FAT1: variants seen among roughly 807,000 people sequenced by gnomAD.
The protein encoded by FAT1 is FAT atypical cadherin 1, also known as protocadherin Fat 1.
A neutral mutation model predicts 329.8 loss-of-function variants in FAT1; 171 were observed. That is an observed-to-expected ratio of 0.52 (90% CI 0.46 to 0.59). The LOEUF (loss-of-function observed/expected upper bound fraction) is 0.59, where lower values mean the gene tolerates loss of function less well. Ranked by LOEUF, FAT1 falls within the 20% of genes least tolerant of loss-of-function variation. FAT1 has a pLI of 0.00. For synonymous variants in FAT1, 2,233 were observed against 2,228.6 expected (o/e 1.00, Z -0.06); for missense variants, 5,672 against 5,774.4 (o/e 0.98, Z 0.57).
Position 186,595,816 on chromosome 4 carries a change from C to T in FAT1, c.13011G>A (p.Val4337=). ...TCTTGGAAAGACAGGGATCAAGATCCACCACTTTTGCTAAAAGGAAGGATG... is the reference window on the plus strand; with the variant it reads ...TCTTGGAAAGACAGGGATCAAGATCTACCACTTTTGCTAAAAGGAAGGATG... The part of the protein sequence containing the change: ...SWDFDYDTKV[V]DLDPCLSKKP... Residue 4337 remains valine, a synonymous_variant, in exon 26 of 27, where the codon GTG becomes GTA. Transcript: ENST00000441802. 6.2e-7 allele frequency: 1 copy of T among 1,613,896 alleles called. No homozygotes were observed. Among genetic ancestry groups the T allele is most frequent in the Non-Finnish European group, 8.5e-7 (1 of 1,179,870 alleles).
upstream of FAT1, among the ~76,000 whole-genome samples, chr4:186,726,146 A>G (rs1484928153): frequency 6.6e-6 from 1 of 152,220 alleles, no homozygotes; most frequent in Non-Finnish European, 1.5e-5. Flanking sequence ...AGTGCTCTAT[A>G]TGTATTTTAT....
intron 2 of FAT1, among the ~76,000 whole-genome samples, chr4:186,681,714 A>G (rs961654754): frequency 2.0e-5 from 3 of 152,234 alleles, no homozygotes; most frequent in Non-Finnish European, 4.4e-5. Flanking sequence ...GTATGCATCA[A>G]TACCGCTGAA....
At position 186,600,301 on chromosome 4, in the gene FAT1, A is replaced by G. The variant is rs2126414764; in HGVS notation, c.11700T>C (p.Ser3900=). The G allele has an allele frequency of 1.2e-6, 2 of 1,613,814 alleles. No homozygotes were observed. Among genetic ancestry groups the G allele is most frequent in the Admixed American group, 1.7e-5 (1 of 60,008 alleles). ...FDCGSGPGIV[S]VQSIQVNDGQ... ...CATCATTGACCTGAATGCTCTGAAC[A>G]GAGACAATTCCAGGGCCACTTCCAC... Residue 3900 remains serine (S), a synonymous_variant, in exon 22 of 27, where the codon TCT becomes TCC. Coordinates refer to ENST00000441802, the MANE Select transcript of FAT1 (RefSeq NM_005245.4).
In FAT1 at chr4:186,600,289, A is replaced by C. The variant is rs754598211; in HGVS notation, c.11712T>G (p.Ile3904Met). 1 of 1,613,718 alleles carries C rather than the reference A, an allele frequency of 6.2e-7. No homozygotes were observed. The highest frequency in any genetic ancestry group is 8.5e-7 in the Non-Finnish European group (1 of 1,179,838). ...CGTGCCACTGCCCATCATTGACCTGAATGCTCTGAACAGAGACAATTCCAG... is the reference window on the plus strand; with the variant it reads ...CGTGCCACTGCCCATCATTGACCTGCATGCTCTGAACAGAGACAATTCCAG... ...SGPGIVSVQS[I>M]QVNDGQWHAV... The change falls in exon 22 of 27, where the codon ATT (isoleucine) becomes ATG (methionine). Residue 3904 changes from isoleucine (I) to methionine (M), a missense_variant. Ile to Met is a conservative substitution (Grantham distance 10). This residue lies in a region of FAT1 where 1,706 missense variants were observed against 1,859.1 expected (regional missense o/e 0.92). Transcript: ENST00000441802.
chr4:186,654,328 C>T (rs920687922), intron 3 of FAT1, among the ~76,000 whole-genome samples: 5 of 152,170 alleles, frequency 3.3e-5, no homozygotes, highest in Admixed American at 6.5e-5. Context: ...TGACTCCTAA[C>T]GAAAGTTCTG....
At chr4:186,606,294 C>G (rs2126449322) in intron 16 of FAT1, 81 bp from the exon 17 acceptor site, 1 of 1,517,652 alleles carries the variant, frequency 6.6e-7, no homozygotes. Flanking sequence ...CCTGAGAGTC[C>G]TGACGGGCAG....
At chr4:186,681,066 G>A (rs879846564) in intron 2 of FAT1, among the ~76,000 whole-genome samples, 12 of 152,142 alleles carry the variant, frequency 7.9e-5, no homozygotes, top group Admixed American at 3.3e-4. Flanking sequence ...GAGTATCACC[G>A]AATTATTTCG....
intron 19 of FAT1, 58 bp downstream of exon 19, chr4:186,603,109 ATCAAAGGCT>A (rs1738899495): frequency 6.2e-7 from 1 of 1,609,788 alleles, no homozygotes; most frequent in Non-Finnish European, 8.5e-7. Flanking sequence ...ATGTATAGCC[ATCAAAGGCT>A]TCAAAGGCCG....
chr4:186,690,078 CAT>C (rs948883904), intron 2 of FAT1, among the ~76,000 whole-genome samples: 3 of 152,134 alleles, frequency 2.0e-5, no homozygotes, highest in African/African-American at 7.2e-5. Flanking sequence ...AAACAAAAAA[CAT>C]GTTACTGCAT....
intron 2 of FAT1, among the ~76,000 whole-genome samples, chr4:186,670,428 C>T (rs1046299491): frequency 7.2e-5 from 11 of 152,226 alleles, no homozygotes; most frequent in Non-Finnish European, 1.5e-4. Context: ...ATACCCTCAG[C>T]GTAAACAGGG....
chr4:186,618,758 C>T lies in FAT1; in HGVS notation c.7828G>A (p.Ala2610Thr), dbSNP rs1739860165. The change falls in exon 10 of 27, where the codon GCT becomes ACT. Residue 2610 changes from alanine to threonine, a missense_variant. Around this residue, in one of 2 missense-constraint regions of FAT1, gnomAD observed 3,966 missense variants for 3,915.2 expected, o/e 1.01. Coordinates refer to ENST00000441802, the MANE Select transcript of FAT1 (RefSeq NM_005245.4). ...ACTTTAACGACTGAAGTCCCTTTAG[C>T]AGCACTGGACCCGATATTCACTTCG... is the stretch of plus-strand genomic sequence containing the variant. The part of the protein sequence containing the change: ...KYEVNIGSSA[A>T]KGTSVVKVLA... 1 of 1,614,032 alleles carries T rather than the reference C, an allele frequency of 6.2e-7. No homozygotes were observed. Among genetic ancestry groups the T allele is most frequent in the Non-Finnish European group, 8.5e-7 (1 of 1,179,898 alleles).
At chr4:186,715,253 CCCA>C (rs1745158366) in intron 1 of FAT1, among the ~76,000 whole-genome samples, 1 of 151,914 alleles carries the variant, frequency 6.6e-6, no homozygotes, top group Non-Finnish European at 1.5e-5. Context: ...CACCACAGCC[CCCA>C]CCACCACCCA....
intron 2 of FAT1, 134 bp downstream of exon 2, chr4:186,706,429 A>T: frequency 1.1e-6 from 1 of 951,448 alleles, no homozygotes; most frequent in East Asian, 2.4e-5. Flanking sequence ...GGCCAAAAAA[A>T]ATATTCACAC....
chr4:186,693,947 C>T (rs1053519975), intron 2 of FAT1, among the ~76,000 whole-genome samples: 6 of 151,728 alleles, frequency 4.0e-5, no homozygotes, highest in African/African-American at 1.2e-4. Context: ...CTAACCCAAC[C>T]ACCATCTCCC....
chr4:186,673,493 G>A (rs1462085022), intron 2 of FAT1, among the ~76,000 whole-genome samples: 1 of 152,144 alleles, frequency 6.6e-6, no homozygotes, highest in African/African-American at 2.4e-5. Context: ...AAAGCTTTAG[G>A]TCTAGGAAAT....
intron 1 of FAT1, among the ~76,000 whole-genome samples, chr4:186,718,145 T>C (rs1387933635): frequency 3.3e-5 from 5 of 152,166 alleles, no homozygotes; most frequent in Admixed American, 2.6e-4. Flanking sequence ...GAATGTTCCA[T>C]GTACAGCAAG....
chr4:186,604,290 TA>T, intron 18 of FAT1, 86 bp downstream of exon 18: 1 of 1,119,334 alleles, frequency 8.9e-7, no homozygotes, highest in South Asian at 1.5e-5. Flanking sequence ...GTATGAAATG[TA>T]AGCTGTTCAA....
chr4:186,679,294 G>A (rs886574644), intron 2 of FAT1, among the ~76,000 whole-genome samples: 1 of 152,006 alleles, frequency 6.6e-6, no homozygotes, highest in African/African-American at 2.4e-5. Flanking sequence ...GCGGGAGCCT[G>A]TAGTCCCAGC....
chr4:186,691,158 C>T (rs1743742015), intron 2 of FAT1, among the ~76,000 whole-genome samples: 1 of 152,118 alleles, frequency 6.6e-6, no homozygotes, highest in Admixed American at 6.5e-5. Flanking sequence ...CATATGAGCA[C>T]CTGTATCTAA....
Sources: gnomAD v4.1 joint callset for allele counts (sites outside exome capture counted in the v4.1 genomes callset) on GRCh38, gnomAD v4.1.1 for gene constraint, gnomAD v4.1.1 regional missense constraint, MANE v1.5 for transcripts, NCBI Gene and HGNC (gene_info 2026-07-23, HGNC 2026-07-21) for gene names.